The following SEMA7A variants were observed in gnomAD, a reference collection of about 807,000 sequenced individuals.
SEMA7A encodes semaphorin 7A (JohnMiltonHagen blood group), also known as semaphorin-7A.
In SEMA7A, 21 loss-of-function variants were observed where a neutral mutation model predicts 67.5. The ratio of observed to expected loss-of-function variants is 0.31; its 90% confidence interval spans 0.22 to 0.45. SEMA7A has a LOEUF of 0.45. Among genes scored for constraint, SEMA7A ranks in the 20% least tolerant of loss-of-function variants. SEMA7A has a pLI of 1.00. For synonymous variants in SEMA7A, 364 were observed against 368.5 expected (o/e 0.99, Z 0.14); for missense variants, 774 against 908.6 (o/e 0.85, Z 1.90).
At chr15:74,416,039 C>T in intron 7 of SEMA7A, 54 bp from the exon 8 acceptor site, 1 of 1,563,970 alleles carries the variant, frequency 6.4e-7, no homozygotes, top group South Asian at 1.1e-5. Flanking sequence ...GGCTTCCCCA[C>T]ACACCCCAGG....
At chr15:74,429,124 G>A (rs1319932531) in intron 1 of SEMA7A, among the ~76,000 whole-genome samples, 3 of 152,158 alleles carry the variant, frequency 2.0e-5, no homozygotes, top group East Asian at 1.9e-4. Flanking sequence ...GGGCAGCCAC[G>A]CTGGGCCAAA....
intron 1 of SEMA7A, among the ~76,000 whole-genome samples, chr15:74,424,728 G>C (rs960476185): frequency 1.3e-5 from 2 of 152,170 alleles, no homozygotes; most frequent in Admixed American, 6.5e-5. Context: ...GGGAAGGAAG[G>C]CTGGCACTGA....
intron 1 of SEMA7A, among the ~76,000 whole-genome samples, chr15:74,419,878 C>T (rs1305878713): frequency 2.0e-5 from 3 of 152,214 alleles, no homozygotes; most frequent in East Asian, 3.8e-4. Context: ...GCAGCCACTG[C>T]CTCTGGGGAG....
chr15:74,418,891 G>A lies in SEMA7A; in HGVS notation c.240C>T (p.His80=), dbSNP rs762774246. 32 of 1,613,722 alleles carry A rather than the reference G, an allele frequency of 2.0e-5. No homozygotes were observed. Among genetic ancestry groups the A allele is most frequent in the African/African-American group, 1.1e-4 (8 of 74,932 alleles). The change falls in exon 2 of 14, where the codon CAC becomes CAT. Residue 80 remains histidine, a synonymous_variant. Transcript: ENST00000261918. ...GQTEPHTVLF[H]EPGSSSVWVG... Reference sequence around the variant, plus strand: ...CCCACACAGAGGAGCTGCCTGGCTCGTGGAAAAGCACCGTGTGCGGCTCAG... The same window carrying A: ...CCCACACAGAGGAGCTGCCTGGCTCATGGAAAAGCACCGTGTGCGGCTCAG...
At chr15:74,412,863 T>C (rs564330354) in intron 10 of SEMA7A, among the ~76,000 whole-genome samples, 15 of 152,298 alleles carry the variant, frequency 9.8e-5, no homozygotes, top group Admixed American at 1.3e-4. Context: ...AAAAAGGATC[T>C]TGGATTCTAA....
At chr15:74,416,829 T>G in intron 6 of SEMA7A, 115 bp from the exon 7 acceptor site, 1 of 1,184,432 alleles carries the variant, frequency 8.4e-7, no homozygotes, top group Non-Finnish European at 1.2e-6. Flanking sequence ...GCAAATCAGA[T>G]CTGGAATAGG....
Position 74,418,270 on chromosome 15 carries a change from G to T in SEMA7A, c.370C>A (p.Arg124=). The change falls in exon 3 of 14, where the codon CGG becomes AGG. Residue 124 remains arginine (R), a splice_region_variant and synonymous_variant. Coordinates refer to ENST00000261918, the MANE Select transcript of SEMA7A (RefSeq NM_003612.5). ...TCCATACCCCCTCCCCCACTCACCC[G>T]CTTATCCAGACAGGACCCCTTTGTG... ...GSTKGSCLDK[R]DCENYITLLE... is the part of the protein sequence containing the mutation. 6.2e-7 allele frequency: 1 copy of T among 1,612,388 alleles called. No individual in the cohort carries two copies. Among genetic ancestry groups the T allele is most frequent in the Non-Finnish European group, 8.5e-7 (1 of 1,179,406 alleles).
chr15:74,431,648 T>C (rs185514804), intron 1 of SEMA7A, among the ~76,000 whole-genome samples: 13 of 152,368 alleles, frequency 8.5e-5, no homozygotes, highest in Admixed American at 4.6e-4. Context: ...CCTCTTACCC[T>C]GTTCCTGGGT....
intron 1 of SEMA7A, among the ~76,000 whole-genome samples, chr15:74,420,674 T>A (rs1272977748): frequency 2.0e-5 from 3 of 151,960 alleles, no homozygotes; most frequent in African/African-American, 7.3e-5. Context: ...TGGGATAAAA[T>A]TAGAGTGCTG....
intron 1 of SEMA7A, among the ~76,000 whole-genome samples, chr15:74,424,647 T>C (rs1198182325): frequency 2.0e-5 from 3 of 152,128 alleles, no homozygotes; most frequent in Non-Finnish European, 4.4e-5. Flanking sequence ...GGCAAAGTCC[T>C]AGGGAGAAGG....
rs1444522722 is a variant in SEMA7A, at chr15:74,410,503, G to A, written c.*121C>T. The stretch of plus-strand genomic sequence containing the variant: ...CTCCAGGCCTGGCATCCTCCACTGG[G>A]TTATTCTGTCCCCTGGAAGAAGTGG... On this transcript the variant is annotated 3_prime_UTR_variant, in exon 14 of 14. Transcript: ENST00000261918. This position sits in a 1 kb window ranked among gnomAD's most constrained non-coding sequence, Gnocchi z 7.5. The A allele has an allele frequency of 4.9e-6, 7 of 1,418,002 alleles. No homozygotes were observed. In the African/African-American group the frequency reaches 1.0e-4, roughly 20 times the overall value. The allele number at this position is 1,418,002 out of a possible 1,614,324, so 87.8% of individuals were successfully genotyped here. A position where few individuals can be genotyped will look rare whatever the true frequency, so the allele number is the denominator to read the frequency against.
chr15:74,417,585 C>T lies in SEMA7A; in HGVS notation c.550+6G>A, dbSNP rs551718597. 5 of 1,611,660 alleles carry T rather than the reference C, an allele frequency of 3.1e-6. No individual in the cohort carries two copies. Among genetic ancestry groups the T allele is most frequent in the Non-Finnish European group, 4.2e-6 (5 of 1,179,158 alleles). ...CCCTGGGGCGCCTGCTCCAGCACTG[C>T]CCTACCTTCAAACAGAACCAGGGAG... On this transcript the variant is annotated splice_donor_region_variant and intron_variant, in intron 5 of 13. Coordinates refer to ENST00000261918, the MANE Select transcript of SEMA7A (RefSeq NM_003612.5).
chr15:74,420,108 C>T (rs924915631), intron 1 of SEMA7A, among the ~76,000 whole-genome samples: 2 of 152,310 alleles, frequency 1.3e-5, no homozygotes, highest in East Asian at 1.9e-4. Flanking sequence ...CAAGCTCCAG[C>T]TCTGACCAAA....
intron 2 of SEMA7A, 147 bp downstream of exon 2, chr15:74,418,654 G>C (rs1271587792): frequency 2.3e-6 from 2 of 885,928 alleles, no homozygotes; most frequent in Non-Finnish European, 3.4e-6. Flanking sequence ...CCTTTAGGGA[G>C]CCTCCCCCAG....
intron 1 of SEMA7A, among the ~76,000 whole-genome samples, chr15:74,424,450 C>G (rs781512133): frequency 6.6e-6 from 1 of 152,222 alleles, no homozygotes; most frequent in Non-Finnish European, 1.5e-5. Flanking sequence ...ACATTCTCAT[C>G]TGCTTCCACT....
intron 1 of SEMA7A, among the ~76,000 whole-genome samples, chr15:74,422,032 G>A (rs564775854): frequency 1.1e-3 from 170 of 152,296 alleles, no homozygotes; most frequent in African/African-American, 3.7e-3. Flanking sequence ...GAGCAAAGGT[G>A]GGGAAGGTGG....
chr15:74,433,619 C>T, intron 1 of SEMA7A, 122 bp downstream of exon 1: 1 of 1,280,754 alleles, frequency 7.8e-7, no homozygotes, highest in Non-Finnish European at 9.8e-7. Flanking sequence ...GCGGGGACAG[C>T]GCGGGGACAG....
At position 74,418,965 on chromosome 15, in the gene SEMA7A, C is replaced by A. The variant is rs1163373467; in HGVS notation, c.179-13G>T. The A allele has an allele frequency of 7.4e-6, 12 of 1,610,878 alleles. No individual in the cohort carries two copies. The highest frequency in any genetic ancestry group is 1.3e-5 in the African/African-American group (1 of 74,856). ...TGCCCTACATGGCCTGAGGAGGAGA[C>A]AATTAGTAGAAACATTGAAGCCAGG... On this transcript the variant is annotated splice_polypyrimidine_tract_variant and intron_variant, in intron 1 of 13. Coordinates refer to ENST00000261918, the MANE Select transcript of SEMA7A (RefSeq NM_003612.5).
Position 74,428,843 on chromosome 15 carries a change from C to T in SEMA7A, c.178+4898G>A, listed in dbSNP as rs532452431. ...AAAGGGCTTGGAGAGCCACCCCATACCATTCGGGGCAGAGAGGGGACAGTC... is the reference window on the plus strand; with the variant it reads ...AAAGGGCTTGGAGAGCCACCCCATATCATTCGGGGCAGAGAGGGGACAGTC... On this transcript the variant is annotated intron_variant, in intron 1 of 13. Transcript: ENST00000261918. Among the ~76,000 whole-genome samples, 5 of 152,328 alleles carry T rather than the reference C, an allele frequency of 3.3e-5. No homozygotes were observed. In the South Asian group the frequency reaches 1.0e-3, roughly 32 times the overall value.
Sources: gnomAD v4.1 joint callset for allele counts (sites outside exome capture counted in the v4.1 genomes callset) on GRCh38, gnomAD v4.1.1 for gene constraint, Gnocchi (gnomAD v3.1) non-coding constraint, MANE v1.5 for transcripts, NCBI Gene and HGNC (gene_info 2026-07-23, HGNC 2026-07-21) for gene names.